PPIL6: variants seen among roughly 807,000 people sequenced by gnomAD.
PPIL6 encodes the protein peptidylprolyl isomerase like 6, also known as probable inactive peptidyl-prolyl cis-trans isomerase-like 6.
A neutral mutation model predicts 36.8 loss-of-function variants in PPIL6; 39 were observed. The observed-to-expected ratio is 1.06, with a 90% confidence interval of 0.82 to 1.38. PPIL6 has a LOEUF of 1.38. Ranked by LOEUF, PPIL6 falls within the 40% of genes most tolerant of loss-of-function variation. The pLI is 0.00. For synonymous variants in PPIL6, 123 were observed against 134.1 expected (o/e 0.92, Z 0.57); for missense variants, 368 against 379.1 (o/e 0.97, Z 0.24).
At chr6:109,405,164 T>G in intron 6 of PPIL6, 1 of 241,820 alleles carries the variant, frequency 4.1e-6, no homozygotes, top group Non-Finnish European at 8.4e-6. Context: ...CATATACCCT[T>G]TTAACTACCA....
upstream of PPIL6, chr6:109,440,765 G>C (rs1582620513): frequency 6.4e-6 from 2 of 314,668 alleles, no homozygotes; most frequent in Non-Finnish European, 1.0e-5. Flanking sequence ...GCGCGCGGGC[G>C]GCCGCGACCG....
chr6:109,398,510 C>T (rs955032908), intron 7 of PPIL6, among the ~76,000 whole-genome samples: 10 of 152,252 alleles, frequency 6.6e-5, no homozygotes, highest in Admixed American at 4.6e-4. Context: ...TTTACATTAT[C>T]TCAGGGAAGA....
intron 7 of PPIL6, among the ~76,000 whole-genome samples, chr6:109,397,807 G>C (rs1772359797): frequency 6.6e-6 from 1 of 152,028 alleles, no homozygotes. Flanking sequence ...AGAGGACAGA[G>C]ACTGTCAGCA....
intron 6 of PPIL6, 47 bp from the exon 7 acceptor site, chr6:109,400,217 T>A: frequency 6.6e-7 from 1 of 1,520,800 alleles, no homozygotes; most frequent in Non-Finnish European, 9.0e-7. Flanking sequence ...TTCTATTATC[T>A]CAATTTATTG....
upstream of PPIL6, chr6:109,440,786 G>C (rs1293653344): frequency 2.8e-6 from 1 of 357,322 alleles, no homozygotes. Context: ...CCGGGGACGA[G>C]CTTGGAGGAA....
chr6:109,435,081 C>T (rs1774370705), intron 2 of PPIL6, among the ~76,000 whole-genome samples: 1 of 152,130 alleles, frequency 6.6e-6, no homozygotes, highest in Admixed American at 6.5e-5. Context: ...CCCACAGAAG[C>T]CCCTGGCTGT....
intron 5 of PPIL6, among the ~76,000 whole-genome samples, chr6:109,423,946 C>T (rs1210637164): frequency 2.0e-5 from 3 of 152,042 alleles, no homozygotes; most frequent in East Asian, 3.9e-4. Flanking sequence ...TGTTGTAGTA[C>T]GTGGGATACC....
chr6:109,438,994 C>G (rs1003207558), intron 1 of PPIL6, among the ~76,000 whole-genome samples: 5 of 152,244 alleles, frequency 3.3e-5, no homozygotes, highest in African/African-American at 1.2e-4. Flanking sequence ...TACTGTCATT[C>G]ATTTCCATCT....
intron 1 of PPIL6, among the ~76,000 whole-genome samples, chr6:109,436,439 T>G (rs1774451755): frequency 6.6e-6 from 1 of 152,130 alleles, no homozygotes; most frequent in Admixed American, 6.6e-5. Context: ...TCTTAGAGGC[T>G]GGGCGCAGTG....
rs1334629695 is a variant in PPIL6, at chr6:109,391,096, G to A, written c.*1730C>T. The A allele has an allele frequency of 2.0e-5, 3 of 151,904 alleles. No homozygotes were observed. Among genetic ancestry groups the A allele is most frequent in the South Asian group, 2.1e-4 (1 of 4,814 alleles). The allele number at this position is 151,904 out of a possible 1,614,324, so 9.4% of individuals were successfully genotyped here. ...GAGGTCACAAGATCGGGACCATCCT[G>A]GCTAACATGGTGAAATCCCATCTCT... is the stretch of plus-strand genomic sequence containing the variant. On this transcript the variant is annotated 3_prime_UTR_variant, in exon 8 of 8. Transcript: ENST00000521072.
At position 109,440,538 on chromosome 6, in the gene PPIL6, G is replaced by T. The variant is rs1319532049; in HGVS notation, c.53C>A (p.Ser18Ter). ...CACCTGCAGCGGCCGCTCCGGCAGCGACGGCGAGCCGCACCTAGCGTGCGG... is the reference window on the plus strand; with the variant it reads ...CACCTGCAGCGGCCGCTCCGGCAGCTACGGCGAGCCGCACCTAGCGTGCGG... ...GPPHARCGSP[S>*]LPERPLQVKV... Residue 18 changes from serine to a stop codon, truncating the protein, a stop_gained, in exon 1 of 8, where the codon TCG becomes TAG. Transcript: ENST00000521072. LOFTEE classifies it high-confidence loss of function. 1 of 1,488,454 alleles carries T rather than the reference G, an allele frequency of 6.7e-7. No homozygotes were observed. The highest frequency in any genetic ancestry group is 1.3e-5 in the South Asian group (1 of 77,578). The allele number at this position is 1,488,454 out of a possible 1,614,324, so 92.2% of individuals were successfully genotyped here. A position where few individuals can be genotyped will look rare whatever the true frequency, so the allele number is the denominator to read the frequency against.
chr6:109,430,333 C>T (rs1774064420), intron 3 of PPIL6, among the ~76,000 whole-genome samples: 1 of 152,244 alleles, frequency 6.6e-6, no homozygotes, highest in Non-Finnish European at 1.5e-5. Flanking sequence ...AACTATCTCT[C>T]ATCCCTGGAC....
At chr6:109,430,729 T>G (rs1259657053) in intron 3 of PPIL6, among the ~76,000 whole-genome samples, 1 of 152,184 alleles carries the variant, frequency 6.6e-6, no homozygotes, top group African/African-American at 2.4e-5. Context: ...CCGGCCTGTG[T>G]TCATGCTTTA....
chr6:109,394,295 C>A (rs748227371), intron 7 of PPIL6, among the ~76,000 whole-genome samples: 1 of 151,226 alleles, frequency 6.6e-6, no homozygotes, highest in Non-Finnish European at 1.5e-5. Flanking sequence ...ATTGCTTCAA[C>A]CCAGGAGGTG....
chr6:109,399,899 T>C, intron 7 of PPIL6, 136 bp downstream of exon 7: 1 of 588,006 alleles, frequency 1.7e-6, no homozygotes, highest in Non-Finnish European at 2.7e-6. Context: ...AATACTTTTG[T>C]CTCTATTTGT....
intron 2 of PPIL6, among the ~76,000 whole-genome samples, chr6:109,432,751 T>C (rs1429170583): frequency 6.6e-6 from 1 of 151,878 alleles, no homozygotes; most frequent in African/African-American, 2.4e-5. Context: ...TGAGCCACTG[T>C]AACCCGCCAG....
At chr6:109,400,858 A>C (rs1415012254) in intron 6 of PPIL6, among the ~76,000 whole-genome samples, 3 of 151,954 alleles carry the variant, frequency 2.0e-5, no homozygotes, top group African/African-American at 4.8e-5. Context: ...TCTTCAAATA[A>C]AATTTTTTTT....
intron 2 of PPIL6, among the ~76,000 whole-genome samples, chr6:109,434,275 G>A (rs896213259): frequency 7.2e-5 from 11 of 152,112 alleles, no homozygotes; most frequent in Non-Finnish European, 1.5e-4. Flanking sequence ...ATGTATATAA[G>A]CTGGGCACAG....
At position 109,392,856 on chromosome 6, in the gene PPIL6, T is replaced by C. The variant is rs746226204; in HGVS notation, c.906A>G (p.Arg302=). The C allele has an allele frequency of 1.8e-5, 29 of 1,596,034 alleles. No homozygotes were observed. Among genetic ancestry groups the C allele is most frequent in the Non-Finnish European group, 2.3e-5 (27 of 1,166,200 alleles). ...CATAAGGATCTCCACTGTCAGTAAT[T>C]CTACACATATGTATTGGTCTTTCAT... ...TQNERPIHMC[R]ITDSGDPYA is the part of the protein sequence containing the mutation. The change falls in exon 8 of 8, where the codon AGA becomes AGG. Residue 302 remains arginine, a synonymous_variant. Transcript: ENST00000521072.
Sources: gnomAD v4.1 joint callset for allele counts (sites outside exome capture counted in the v4.1 genomes callset) on GRCh38, gnomAD v4.1.1 for gene constraint, MANE v1.5 for transcripts, NCBI Gene and HGNC (gene_info 2026-07-23, HGNC 2026-07-21) for gene names.